Variants in C5orf46 observed in about 807,000 individuals in gnomAD.
C5orf46 encodes the protein uncharacterized protein C5orf46.
In C5orf46, 9 loss-of-function variants were observed where a neutral mutation model predicts 8.9. The ratio of observed to expected loss-of-function variants is 1.01; its 90% confidence interval spans 0.61 to 1.76. The LOEUF (loss-of-function observed/expected upper bound fraction) is 1.76, where lower values mean the gene tolerates loss of function less well. Ranked by LOEUF, C5orf46 falls within the 40% of genes most tolerant of loss-of-function variation. The pLI, the probability that C5orf46 is intolerant of heterozygous loss-of-function variation, is 0.00. For missense variants in C5orf46, 98 were observed against 107.8 expected (o/e 0.91, Z 0.40); for synonymous variants, 47 against 41.4 (o/e 1.14, Z -0.52).
intron 3 of C5orf46, among the ~76,000 whole-genome samples, chr5:147,896,736 A>T (rs1040065604): frequency 6.6e-6 from 1 of 152,182 alleles, no homozygotes; most frequent in Non-Finnish European, 1.5e-5. Context: ...GATTTGTGAC[A>T]GGAATCAGGT....
intron 2 of C5orf46, chr5:147,886,804 G>C (rs1757427303): frequency 6.6e-6 from 1 of 151,868 alleles, no homozygotes; most frequent in Non-Finnish European, 1.5e-5. Context: ...TAGTGAGCAT[G>C]CATATTTTGC....
chr5:147,896,874 G>A (rs1410430166), intron 3 of C5orf46, 110 bp downstream of exon 3: 1 of 450,204 alleles, frequency 2.2e-6, no homozygotes, highest in Non-Finnish European at 4.1e-6. Context: ...TACTTTTTCT[G>A]CTTGTAGGTA....
In C5orf46 at chr5:147,906,433, T is replaced by C. The variant is rs758407329; in HGVS notation, c.69A>G (p.Ala23=). 2.9e-5 allele frequency: 47 copies of C among 1,607,106 alleles called. No homozygotes were observed. The highest frequency in any genetic ancestry group is 3.9e-5 in the Non-Finnish European group (46 of 1,175,212). Residue 23 remains alanine (A), a splice_region_variant and synonymous_variant, in exon 1 of 4, where the codon GCA becomes GCG. Transcript: ENST00000318315. The stretch of plus-strand genomic sequence containing the variant: ...TGGGCTGTGATCAGAAGCACTTACC[T>C]GCATAGCAGGTCAGGAATAAGACAA... ...GLLVLFLTCY[A]DDKPDKPDDK...
At chr5:147,901,418 C>A in intron 2 of C5orf46, 1 of 421,134 alleles carries the variant, frequency 2.4e-6, no homozygotes, top group Non-Finnish European at 4.2e-6. Flanking sequence ...TATGGAACCA[C>A]TTGATGGGAA....
chr5:147,894,603 A>G (rs1009511577), intron 3 of C5orf46, among the ~76,000 whole-genome samples: 1 of 152,138 alleles, frequency 6.6e-6, no homozygotes, highest in African/African-American at 2.4e-5. Flanking sequence ...CTTTATGCAT[A>G]ACTTTATCAT....
At chr5:147,889,701 A>G (rs1219514609), downstream of C5orf46, among the ~76,000 whole-genome samples, 5 of 152,144 alleles carry the variant, frequency 3.3e-5, no homozygotes, top group African/African-American at 1.2e-4. Context: ...CAAAATAAAT[A>G]CAAAAGGAAA....
chr5:147,891,224 G>A (rs977436795), downstream of C5orf46, among the ~76,000 whole-genome samples: 28 of 152,232 alleles, frequency 1.8e-4, no homozygotes, highest in African/African-American at 6.7e-4. Context: ...CACTTCAATC[G>A]CATTGCAGTT....
intron 2 of C5orf46, chr5:147,886,382 G>A (rs897865162): frequency 1.3e-5 from 2 of 151,926 alleles, no homozygotes; most frequent in African/African-American, 2.4e-5. Flanking sequence ...AAAACTTCAT[G>A]TGAATCTATA....
downstream of C5orf46, among the ~76,000 whole-genome samples, chr5:147,888,436 C>T (rs1030028311): frequency 2.6e-5 from 4 of 152,148 alleles, no homozygotes; most frequent in Non-Finnish European, 5.9e-5. Flanking sequence ...TCCTGTAAGA[C>T]TTACTTTCTT....
At chr5:147,895,798 C>T (rs1217682772) in intron 3 of C5orf46, among the ~76,000 whole-genome samples, 2 of 152,116 alleles carry the variant, frequency 1.3e-5, no homozygotes, top group Non-Finnish European at 2.9e-5. Context: ...AGTTTAAAAG[C>T]TTAATTGGCC....
chr5:147,906,453 A>T lies in C5orf46; in HGVS notation c.49T>A (p.Leu17Ile), dbSNP rs1240722302. The T allele has an allele frequency of 6.2e-7, 1 of 1,611,644 alleles. No individual in the cohort carries two copies. Among genetic ancestry groups the T allele is most frequent in the Admixed American group, 1.7e-5 (1 of 59,936 alleles). ...RLTVVLGLLV[L>I]FLTCYADDKP... Reference sequence around the variant, plus strand: ...TTACCTGCATAGCAGGTCAGGAATAAGACAAGCAGTCCCAGGACAACTGTC... The same window carrying T: ...TTACCTGCATAGCAGGTCAGGAATATGACAAGCAGTCCCAGGACAACTGTC... Residue 17 changes from leucine (L) to isoleucine (I), a missense_variant, in exon 1 of 4, where the codon TTA becomes ATA. By Grantham distance (5) the Leu-to-Ile change is conservative. Transcript: ENST00000318315.
At chr5:147,889,447 T>C (rs1001416565), downstream of C5orf46, among the ~76,000 whole-genome samples, 4 of 152,192 alleles carry the variant, frequency 2.6e-5, no homozygotes, top group African/African-American at 9.6e-5. Context: ...TCCCCTCATT[T>C]TTCCCTCTCA....
chr5:147,897,708 T>C (rs1369636775), intron 2 of C5orf46, among the ~76,000 whole-genome samples: 1 of 152,214 alleles, frequency 6.6e-6, no homozygotes, highest in Non-Finnish European at 1.5e-5. Flanking sequence ...AATCCCTGAA[T>C]ATGAAAAACT....
At chr5:147,890,725 G>T (rs1757490519), downstream of C5orf46, among the ~76,000 whole-genome samples, 2 of 152,040 alleles carry the variant, frequency 1.3e-5, no homozygotes, top group South Asian at 4.2e-4. Context: ...CCTATAAAAA[G>T]AACATACTTG....
intron 1 of C5orf46, among the ~76,000 whole-genome samples, chr5:147,903,318 TA>T (rs1322480453): frequency 6.6e-6 from 1 of 152,180 alleles, no homozygotes; most frequent in African/African-American, 2.4e-5. Context: ...TCTGGTACTA[TA>T]AAAAAGATCC....
chr5:147,892,136 C>A (rs1757511207), downstream of C5orf46, among the ~76,000 whole-genome samples: 1 of 152,148 alleles, frequency 6.6e-6, no homozygotes, highest in Admixed American at 6.5e-5. Context: ...TCTTACTGTC[C>A]ACAGTAAACA....
At chr5:147,905,587 A>G (rs1211704149) in intron 1 of C5orf46, among the ~76,000 whole-genome samples, 2 of 152,232 alleles carry the variant, frequency 1.3e-5, no homozygotes, top group Admixed American at 6.5e-5. Context: ...TTTCTGGTCT[A>G]TCATTCTGAA....
chr5:147,898,883 G>A (rs1757624302), intron 2 of C5orf46, among the ~76,000 whole-genome samples: 1 of 152,046 alleles, frequency 6.6e-6, no homozygotes, highest in Non-Finnish European at 1.5e-5. Flanking sequence ...AAAAGCAAGT[G>A]GAGAGAACAA....
intron 1 of C5orf46, 54 bp from the exon 2 acceptor site, chr5:147,901,827 T>C: frequency 1.9e-6 from 3 of 1,572,578 alleles, no homozygotes; most frequent in Non-Finnish European, 2.6e-6. Flanking sequence ...AAGGAATCAT[T>C]CTTTCTGTGT....
Sources: allele counts gnomAD v4.1 joint callset (sites outside exome capture counted in the v4.1 genomes callset), GRCh38; gene constraint gnomAD v4.1.1; transcripts MANE v1.5; gene names NCBI Gene and HGNC (gene_info 2026-07-23, HGNC 2026-07-21).